The following EPB41L3 variants were observed in gnomAD, a reference collection of about 807,000 sequenced individuals.
The protein encoded by EPB41L3 is band 4.1-like protein 3.
A neutral mutation model predicts 127.1 loss-of-function variants in EPB41L3; 57 were observed. That is an observed-to-expected ratio of 0.45 (90% confidence interval 0.36 to 0.56). The LOEUF (loss-of-function observed/expected upper bound fraction) is 0.56. Among genes scored for constraint, EPB41L3 ranks in the 20% least tolerant of loss-of-function variants. The probability of loss-of-function intolerance (pLI) is 0.00; values close to 1 mark genes in which losing one functional copy is unlikely to be tolerated. For missense variants in EPB41L3, 1,273 were observed against 1,372.2 expected, an observed-to-expected ratio of 0.93 and a Z score of 1.14; for synonymous variants, 572 against 549.5, an observed-to-expected ratio of 1.04 and a Z score of -0.57.
chr18:5,561,717 G>A (rs868163275), intron 3 of EPB41L3, among the ~76,000 whole-genome samples: 10 of 152,216 alleles, frequency 6.6e-5, no homozygotes, highest in Admixed American at 3.3e-4. Context: ...GTTTCTCCCC[G>A]CAAATACTTA....
Position 5,410,611 on chromosome 18 carries a change from A to C in EPB41L3, c.2076T>G (p.Ser692Arg). 6.2e-7 allele frequency: 1 copy of C among 1,613,522 alleles called. No individual in the cohort carries two copies. Among genetic ancestry groups the C allele is most frequent in the Non-Finnish European group, 8.5e-7 (1 of 1,179,662 alleles). Residue 692 changes from serine (S) to arginine (R), a missense_variant, in exon 14 of 23, where the codon AGT becomes AGG. Transcript: ENST00000341928. ...PSDSSEEETD[S>R]ERTDTAADGE... ...CGTCGGCTGCGGTGTCCGTGCGCTC[A>C]CTGTCAGTCTGTTGACCACAGAAGT... is the stretch of plus-strand genomic sequence containing the variant.
Position 5,561,018 on chromosome 18 carries a change from C to T in EPB41L3, c.-306+51322G>A, listed in dbSNP as rs549825075. On this transcript the variant is annotated intron_variant, in intron 3 of 21. Coordinates refer to the EPB41L3 transcript ENST00000545076. ...TTTGAGATGGAGTCTCGCTCTGTCG[C>T]CCAGGCTGGAGTGCAGTGGCGCGAT... Among the ~76,000 whole-genome samples, 559 of 132,122 alleles carry T rather than the reference C, an allele frequency of 4.2e-3. 35 individuals carry two copies. The highest frequency in any genetic ancestry group is 7.1e-3 in the Non-Finnish European group (411 of 58,254). The allele number at this position is 132,122 out of a possible 152,430, so 86.7% of individuals were successfully genotyped here.
At chr18:5,562,795 C>G (rs573718539) in intron 3 of EPB41L3, among the ~76,000 whole-genome samples, 2 of 152,298 alleles carry the variant, frequency 1.3e-5, no homozygotes, top group Admixed American at 1.3e-4. Flanking sequence ...GCTGCAGATC[C>G]CATCAGAGCC....
intron 16 of EPB41L3, chr18:5,401,133 T>A: frequency 1.6e-6 from 1 of 638,886 alleles, no homozygotes; most frequent in South Asian, 2.1e-5. Context: ...CATTGTATTA[T>A]CTCTATCTAT....
At chr18:5,395,532 C>T (rs2073249375) in intron 20 of EPB41L3, 77 bp downstream of exon 20, 1 of 1,376,870 alleles carries the variant, frequency 7.3e-7, no homozygotes, top group African/African-American at 1.4e-5. Context: ...GCAGCCCAAC[C>T]TGTGAGGAGT....
chr18:5,404,873 C>A (rs1175126046), intron 16 of EPB41L3, among the ~76,000 whole-genome samples: 1 of 152,112 alleles, frequency 6.6e-6, no homozygotes, highest in Non-Finnish European at 1.5e-5. Flanking sequence ...ATAGGATAAG[C>A]CAAACTTAAC....
chr18:5,416,337 T>A lies in EPB41L3; in HGVS notation c.1548A>T (p.Pro516=). 1 of 1,613,704 alleles carries A rather than the reference T, an allele frequency of 6.2e-7. No homozygotes were observed. Among genetic ancestry groups the A allele is most frequent in the South Asian group, 1.1e-5 (1 of 91,072 alleles). ...GAGATGTGGGGGCACAATGGGTGGA[T>A]GGGGGTGACAAGGGACATGAGTCAG... The part of the protein sequence containing the change: ...LGTDSCPLSP[P]STHCAPTSPT... Residue 516 remains proline, a synonymous_variant, in exon 13 of 23, where the codon CCA becomes CCT. Transcript: ENST00000341928.
chr18:5,405,036 C>T (rs867812101), intron 16 of EPB41L3, among the ~76,000 whole-genome samples: 1 of 152,310 alleles, frequency 6.6e-6, no homozygotes, highest in South Asian at 2.1e-4. Context: ...GTACTTTTCA[C>T]TTATTCTGCA....
At chr18:5,501,409 G>A (rs1439023102) in intron 1 of EPB41L3, among the ~76,000 whole-genome samples, 2 of 152,130 alleles carry the variant, frequency 1.3e-5, no homozygotes, top group African/African-American at 4.8e-5. Context: ...AAGCCCCTTG[G>A]CTGTTTTATG....
intron 11 of EPB41L3, among the ~76,000 whole-genome samples, chr18:5,422,367 C>G (rs2077582542): frequency 6.6e-6 from 1 of 152,170 alleles, no homozygotes; most frequent in African/African-American, 2.4e-5. Context: ...CATCAATCAC[C>G]CGGCTAGTGA....
At chr18:5,598,847 G>T (rs2094561731) in intron 3 of EPB41L3, among the ~76,000 whole-genome samples, 1 of 152,138 alleles carries the variant, frequency 6.6e-6, no homozygotes, top group Non-Finnish European at 1.5e-5. Context: ...AGGGAATATA[G>T]GATCATTAAA....
chr18:5,436,041 C>T lies in EPB41L3; in HGVS notation c.606-1920G>A, dbSNP rs115880467. 2.5e-3 allele frequency among the ~76,000 whole-genome samples: 382 copies of T among 152,254 alleles called. 2 individuals carry two copies. Among genetic ancestry groups the T allele is most frequent in the African/African-American group, 8.7e-3 (363 of 41,556 alleles). Reference sequence around the variant, plus strand: ...ATTTTGCCATATCATAAAAATATGACCTACATAAAAATATGTTGATTTGTC... The same window carrying T: ...ATTTTGCCATATCATAAAAATATGATCTACATAAAAATATGTTGATTTGTC... On this transcript the variant is annotated intron_variant, in intron 6 of 22. Transcript: ENST00000341928.
chr18:5,515,260 T>A (rs1475146119), intron 1 of EPB41L3, among the ~76,000 whole-genome samples: 1 of 151,942 alleles, frequency 6.6e-6, no homozygotes, highest in African/African-American at 2.4e-5. Context: ...CTACTGAGAG[T>A]TTTTTTGCTT....
intron 1 of EPB41L3, among the ~76,000 whole-genome samples, chr18:5,620,579 T>A (rs2094849036): frequency 6.6e-6 from 1 of 152,186 alleles, no homozygotes; most frequent in South Asian, 2.1e-4. Context: ...AAATTACTCA[T>A]CCTTTATAAT....
chr18:5,474,856 T>G (rs1033369404), intron 3 of EPB41L3, among the ~76,000 whole-genome samples: 1 of 152,176 alleles, frequency 6.6e-6, no homozygotes, highest in African/African-American at 2.4e-5. Context: ...GAGGAATCAG[T>G]GGCTTCCATA....
intron 4 of EPB41L3, 55 bp downstream of exon 4, chr18:5,445,085 T>C (rs1361271399): frequency 7.5e-7 from 1 of 1,332,664 alleles, no homozygotes; most frequent in Non-Finnish European, 1.1e-6. Context: ...GTTCACTTTC[T>C]GGCAGTAATG....
At chr18:5,557,077 T>A (rs2094047808) in intron 3 of EPB41L3, among the ~76,000 whole-genome samples, 1 of 152,004 alleles carries the variant, frequency 6.6e-6, no homozygotes, top group South Asian at 2.1e-4. Context: ...TTTGATAAAG[T>A]AAAGGAGGTG....
intron 3 of EPB41L3, among the ~76,000 whole-genome samples, chr18:5,603,956 C>G (rs187146805): frequency 6.6e-6 from 1 of 152,264 alleles, no homozygotes; most frequent in Admixed American, 6.5e-5. Flanking sequence ...AAACTCAAAT[C>G]TCTGGAAGTT....
intron 13 of EPB41L3, among the ~76,000 whole-genome samples, chr18:5,411,805 G>C (rs965476568): frequency 3.9e-5 from 6 of 152,110 alleles, no homozygotes; most frequent in Non-Finnish European, 8.8e-5. Flanking sequence ...CTAAACTCTG[G>C]CTATGCTGAT....
Sources: allele counts gnomAD v4.1 joint callset (sites outside exome capture counted in the v4.1 genomes callset), GRCh38; gene constraint gnomAD v4.1.1; transcripts MANE v1.5; gene names NCBI Gene and HGNC (gene_info 2026-07-23, HGNC 2026-07-21).